Variants in NEK11 observed in about 807,000 individuals in gnomAD.
The protein encoded by NEK11 is serine/threonine-protein kinase Nek11.
A neutral mutation model predicts 80.7 loss-of-function variants in NEK11; 72 were observed. That is an observed-to-expected ratio of 0.89 (90% CI 0.74 to 1.08). The LOEUF (loss-of-function observed/expected upper bound fraction) is 1.08. Among genes scored for constraint, NEK11 ranks in the 50% least tolerant of loss-of-function variants. The pLI, the probability that NEK11 is intolerant of heterozygous loss-of-function variation, is 0.00. For synonymous variants in NEK11, 251 were observed against 260.7 expected (o/e 0.96, Z 0.36); for missense variants, 764 against 763.6 (o/e 1.00, Z -0.01).
chr3:131,170,867 C>T lies in NEK11; in HGVS notation c.1379C>T (p.Thr460Ile), dbSNP rs147802648. 5.6e-6 allele frequency: 9 copies of T among 1,612,274 alleles called. No individual in the cohort carries two copies. In the African/African-American group the frequency reaches 1.2e-4, roughly 21 times the overall value. ...HELESIVEDATSDLGYHEIPE... is the reference protein window; with the variant it reads ...HELESIVEDAISDLGYHEIPE... ...CTTGAATCAATTGTAGAGGATGCCA[C>T]ATCTGACCTTGGATACCATGGTATG... The change falls in exon 14 of 18, where the codon ACA (threonine) becomes ATA (isoleucine). Residue 460 changes from threonine (T) to isoleucine (I), a missense_variant. Thr to Ile is a moderately conservative substitution (Grantham distance 89). Transcript: ENST00000383366.
chr3:131,207,446 G>A (rs530033721), intron 14 of NEK11, among the ~76,000 whole-genome samples: 17 of 152,122 alleles, frequency 1.1e-4, no homozygotes, highest in South Asian at 6.2e-4. Context: ...AGCTGGGCGC[G>A]GTGGCAGGCA....
chr3:131,151,534 C>T (rs1465401151), intron 7 of NEK11, among the ~76,000 whole-genome samples: 1 of 151,986 alleles, frequency 6.6e-6, no homozygotes, highest in Non-Finnish European at 1.5e-5. Flanking sequence ...ATGTAACTTA[C>T]ACAAGGTCAA....
chr3:131,205,593 G>T (rs1390480099), intron 14 of NEK11, among the ~76,000 whole-genome samples: 2 of 152,042 alleles, frequency 1.3e-5, no homozygotes, highest in Non-Finnish European at 2.9e-5. Flanking sequence ...CAGCCAGAAG[G>T]GCCTGGGAAT....
intron 15 of NEK11, among the ~76,000 whole-genome samples, chr3:131,239,279 A>G (rs1303743690): frequency 6.6e-6 from 1 of 152,138 alleles, no homozygotes; most frequent in Non-Finnish European, 1.5e-5. Flanking sequence ...TGTTGACATA[A>G]GGTTGACTGA....
intron 14 of NEK11, among the ~76,000 whole-genome samples, chr3:131,199,742 C>T (rs572843471): frequency 7.9e-5 from 12 of 152,092 alleles, no homozygotes; most frequent in Admixed American, 7.2e-4. Context: ...TGGGTAATGC[C>T]AGCAAGATTT....
intron 14 of NEK11, among the ~76,000 whole-genome samples, chr3:131,184,488 A>G (rs1246585336): frequency 1.3e-5 from 2 of 152,204 alleles, no homozygotes; most frequent in Non-Finnish European, 2.9e-5. Flanking sequence ...TACAGTAACT[A>G]GTTCAGAGTT....
intron 4 of NEK11, among the ~76,000 whole-genome samples, chr3:131,107,477 C>T (rs895735666): frequency 1.3e-5 from 2 of 152,128 alleles, no homozygotes; most frequent in East Asian, 3.9e-4. Context: ...TCTCCTTTCA[C>T]TCCTCTTCTG....
intron 5 of NEK11, among the ~76,000 whole-genome samples, chr3:131,120,866 G>C (rs746381350): frequency 6.6e-6 from 1 of 152,118 alleles, no homozygotes; most frequent in Non-Finnish European, 1.5e-5. Context: ...GTTTATTCTA[G>C]TTAGCCATTC....
intron 17 of NEK11, among the ~76,000 whole-genome samples, chr3:131,323,306 G>C (rs563313956): frequency 6.6e-6 from 1 of 152,340 alleles, no homozygotes; most frequent in African/African-American, 2.4e-5. Flanking sequence ...GCACAGCTCA[G>C]TCTTGATTCA....
intron 4 of NEK11, among the ~76,000 whole-genome samples, chr3:131,083,607 A>G (rs1041326195): frequency 3.3e-5 from 5 of 152,242 alleles, no homozygotes; most frequent in Non-Finnish European, 4.4e-5. Flanking sequence ...ATTGCACCTC[A>G]TAGAAAAATG....
At chr3:131,337,062 C>A (rs1056563253) in intron 17 of NEK11, among the ~76,000 whole-genome samples, 10 of 152,156 alleles carry the variant, frequency 6.6e-5, no homozygotes, top group Non-Finnish European at 1.2e-4. Flanking sequence ...TGTGGCAATT[C>A]CTCAGGCATC....
chr3:131,061,109 C>T (rs1350161275), intron 3 of NEK11, among the ~76,000 whole-genome samples: 1 of 151,540 alleles, frequency 6.6e-6, no homozygotes, highest in Non-Finnish European at 1.5e-5. Flanking sequence ...AAACTTTCCA[C>T]ACTTAGGCCT....
intron 14 of NEK11, among the ~76,000 whole-genome samples, chr3:131,187,610 G>T (rs1287883796): frequency 6.6e-6 from 1 of 152,134 alleles, no homozygotes; most frequent in Non-Finnish European, 1.5e-5. Flanking sequence ...AGATATTGTT[G>T]TACTGGACCC....
chr3:131,176,267 C>G (rs537690060), intron 14 of NEK11, among the ~76,000 whole-genome samples: 4 of 152,306 alleles, frequency 2.6e-5, no homozygotes, highest in Non-Finnish European at 4.4e-5. Context: ...AGCTGCCTGG[C>G]TCTTTAGTTC....
chr3:131,116,060 T>C (rs937047513), intron 5 of NEK11, among the ~76,000 whole-genome samples: 3 of 151,594 alleles, frequency 2.0e-5, no homozygotes, highest in Non-Finnish European at 4.4e-5. Context: ...ATGTGCCATG[T>C]TGGTGTGCTG....
chr3:131,198,716 C>T (rs1471882984), intron 14 of NEK11, among the ~76,000 whole-genome samples: 1 of 152,186 alleles, frequency 6.6e-6, no homozygotes, highest in African/African-American at 2.4e-5. Context: ...CCTGTTTTTT[C>T]TGTGACTTAT....
intron 17 of NEK11, among the ~76,000 whole-genome samples, chr3:131,347,553 G>A (rs533713831): frequency 6.6e-6 from 1 of 152,248 alleles, no homozygotes; most frequent in African/African-American, 2.4e-5. Context: ...TAAAATGAAT[G>A]AGTCTGTGAC....
At chr3:131,060,225 G>C (rs1269365065) in intron 3 of NEK11, among the ~76,000 whole-genome samples, 1 of 152,122 alleles carries the variant, frequency 6.6e-6, no homozygotes, top group African/African-American at 2.4e-5. Context: ...TGGCTCTAAG[G>C]GTCTAAAAAC....
At position 131,330,546 on chromosome 3, in the gene NEK11, TTGGGGAAAATATTGGAGGA is replaced by T. The variant is rs1010294178; in HGVS notation, c.1719-19010_1719-18992del. ...CATAGTCAAATCAGAGAAGATCATTTTGGGGAAAATATTGGAGGACCTTGTTAAGTTTCTTGGAGTCTTC... is the reference window on the plus strand; with the variant it reads ...CATAGTCAAATCAGAGAAGATCATTTCCTTGTTAAGTTTCTTGGAGTCTTC... On this transcript the variant is annotated intron_variant, in intron 17 of 17. Transcript: ENST00000383366. The T allele has an allele frequency of 3.3e-5, 5 of 152,306 alleles. No homozygotes were observed. The East Asian group carries it at 5.8e-4, about 18-fold the overall frequency. The allele number at this position is 152,306 out of a possible 1,614,324, so 9.4% of individuals were successfully genotyped here.
Sources: gnomAD v4.1 joint callset for allele counts (sites outside exome capture counted in the v4.1 genomes callset) on GRCh38, gnomAD v4.1.1 for gene constraint, MANE v1.5 for transcripts, NCBI Gene and HGNC (gene_info 2026-07-23, HGNC 2026-07-21) for gene names.